NUP205: variants seen among roughly 807,000 people sequenced by gnomAD.
NUP205 encodes the protein nuclear pore complex protein Nup205.
Under a neutral mutation model 253.8 loss-of-function variants are expected in NUP205, and 76 were observed. The ratio of observed to expected loss-of-function variants is 0.30; its 90% CI spans 0.25 to 0.36. The LOEUF (loss-of-function observed/expected upper bound fraction) is 0.36. NUP205 is among the 10% of genes least tolerant of loss of function. The pLI is 1.00. For synonymous variants in NUP205, 832 were observed against 850.1 expected (o/e 0.98, Z 0.37); for missense variants, 2,162 against 2,425.5 (o/e 0.89, Z 2.28).
chr7:135,597,765 T>G (rs1793876721), intron 14 of NUP205: 1 of 492,928 alleles, frequency 2.0e-6, no homozygotes, highest in Non-Finnish European at 3.6e-6. Context: ...CATTAAAGAT[T>G]TCTGTTTTAA....
chr7:135,595,935 A>C (rs1793821596), intron 13 of NUP205, among the ~76,000 whole-genome samples: 1 of 151,222 alleles, frequency 6.6e-6, no homozygotes, highest in Admixed American at 6.6e-5. Context: ...AGAAGCAAAA[A>C]AAATTTTTTT....
intron 13 of NUP205, among the ~76,000 whole-genome samples, chr7:135,595,765 A>T (rs1390339038): frequency 1.3e-5 from 2 of 152,080 alleles, no homozygotes; most frequent in Non-Finnish European, 1.5e-5. Context: ...TCCATTAAAA[A>T]TTTTCTATCA....
intron 38 of NUP205, among the ~76,000 whole-genome samples, chr7:135,639,778 A>G (rs182516786): frequency 4.6e-5 from 7 of 152,314 alleles, no homozygotes; most frequent in South Asian, 2.1e-4. Context: ...TTGCAGCACT[A>G]TTTACAATAG....
At chr7:135,628,578 T>G (rs903830668) in intron 34 of NUP205, among the ~76,000 whole-genome samples, 1 of 152,244 alleles carries the variant, frequency 6.6e-6, no homozygotes, top group Non-Finnish European at 1.5e-5. Context: ...GATTTTGCTG[T>G]CAAAATTTTT....
chr7:135,591,416 C>T, intron 10 of NUP205, 34 bp from the exon 11 acceptor site: 1 of 1,598,588 alleles, frequency 6.3e-7, no homozygotes, highest in Non-Finnish European at 8.6e-7. Context: ...TTAAGATATA[C>T]ATTATATAAA....
intron 1 of NUP205, among the ~76,000 whole-genome samples, chr7:135,564,530 G>A (rs1208909450): frequency 4.0e-5 from 6 of 151,106 alleles, no homozygotes; most frequent in Admixed American, 6.6e-5. Flanking sequence ...TTACAGGCAT[G>A]AGTCACCACG....
intron 18 of NUP205, among the ~76,000 whole-genome samples, chr7:135,603,281 A>G (rs1794003647): frequency 2.6e-5 from 4 of 151,254 alleles, no homozygotes; most frequent in Admixed American, 2.6e-4. Context: ...ATGCTCAGCT[A>G]TTTTTGTGTT....
intron 7 of NUP205, among the ~76,000 whole-genome samples, chr7:135,581,723 C>T (rs570047543): frequency 3.6e-4 from 55 of 151,724 alleles, no homozygotes; most frequent in South Asian, 2.7e-3. Flanking sequence ...CATGGTGGCG[C>T]GTGCCTGTAA....
chr7:135,587,612 G>A lies in NUP205; in HGVS notation c.1256G>A (p.Arg419Gln), dbSNP rs200662632. ...AGGAATCGGGCAGATGAAGATGCTCGAATGATTCACATGAGTATGCAGATG... is the reference window on the plus strand; with the variant it reads ...AGGAATCGGGCAGATGAAGATGCTCAAATGATTCACATGAGTATGCAGATG... Reference protein sequence around the residue: ...QLRNRADEDARMIHMSMQMGN... With the variant: ...QLRNRADEDAQMIHMSMQMGN... The change falls in exon 9 of 43, where the codon CGA becomes CAA. Residue 419 changes from arginine to glutamine, a missense_variant. Transcript: ENST00000285968. 1.5e-5 allele frequency: 24 copies of A among 1,607,690 alleles called. No homozygotes were observed. The highest frequency in any genetic ancestry group is 1.5e-5 in the Non-Finnish European group (18 of 1,177,110).
chr7:135,616,707 C>T lies in NUP205; in HGVS notation c.3513C>T (p.His1171=). Residue 1171 remains histidine, a synonymous_variant, in exon 25 of 43, where the codon CAC becomes CAT. Transcript: ENST00000285968. ...DENRSVSGFL[H]FDTATKVRRK... ...ACAGGTCTGTTTCTGGGTTCCTTCA[C>T]TTTGACACTGCTACAAAAGGTAATG... 6.4e-7 allele frequency: 1 copy of T among 1,564,960 alleles called. No homozygotes were observed. Among genetic ancestry groups the T allele is most frequent in the Non-Finnish European group, 8.6e-7 (1 of 1,159,188 alleles).
chr7:135,584,773 A>G, intron 7 of NUP205, 59 bp from the exon 8 acceptor site: 1 of 1,446,470 alleles, frequency 6.9e-7, no homozygotes, highest in Non-Finnish European at 9.7e-7. Context: ...ATGAGATATA[A>G]TTACAATCTG....
At chr7:135,602,642 T>C (rs1290516741) in intron 17 of NUP205, among the ~76,000 whole-genome samples, 163 bp from the exon 18 acceptor site, 2 of 152,234 alleles carry the variant, frequency 1.3e-5, no homozygotes, top group Non-Finnish European at 2.9e-5. Context: ...TTTGAAACAA[T>C]GAGAGCATAA....
At chr7:135,583,165 C>T (rs1000772905) in intron 7 of NUP205, among the ~76,000 whole-genome samples, 15 of 152,080 alleles carry the variant, frequency 9.9e-5, no homozygotes, top group Admixed American at 3.3e-4. Flanking sequence ...ACTATCTTGG[C>T]TTTTATCTGT....
intron 13 of NUP205, 169 bp from the exon 14 acceptor site, chr7:135,597,199 C>A: frequency 2.1e-6 from 1 of 481,440 alleles, no homozygotes; most frequent in Non-Finnish European, 3.7e-6. Flanking sequence ...CTCAACCTGG[C>A]AGAACTGCTA....
chr7:135,596,956 CAAA>C (rs202161616), intron 13 of NUP205, among the ~76,000 whole-genome samples: 4 of 89,546 alleles, frequency 4.5e-5, no homozygotes, highest in Admixed American at 1.3e-4. Context: ...GACTCTGTCT[CAAA>C]AAAAAAAAAA....
At chr7:135,599,675 CTT>C in intron 15 of NUP205, among the ~76,000 whole-genome samples, 1 of 152,316 alleles carries the variant, frequency 6.6e-6, no homozygotes, top group Non-Finnish European at 1.5e-5. Context: ...GATGCTATCA[CTT>C]TTCACCCATG....
chr7:135,578,605 C>T lies in NUP205; in HGVS notation c.878-146C>T, dbSNP rs1806218422. Reference sequence around the variant, plus strand: ...ATGTGTACAATCAACAGTAGTGTACCTTTTGGGATGTAGAAATTAATGTTA... The same window carrying T: ...ATGTGTACAATCAACAGTAGTGTACTTTTTGGGATGTAGAAATTAATGTTA... On this transcript the variant is annotated intron_variant, in intron 6 of 42. Transcript: ENST00000285968. 3 of 551,046 alleles carry T rather than the reference C, an allele frequency of 5.4e-6. No homozygotes were observed. The Admixed American group carries it at 1.1e-4, about 20-fold the overall frequency. The allele number at this position is 551,046 out of a possible 1,614,324, so 34.1% of individuals were successfully genotyped here.
chr7:135,601,744 A>G (rs1261956295), intron 17 of NUP205, among the ~76,000 whole-genome samples: 3 of 152,210 alleles, frequency 2.0e-5, no homozygotes, highest in African/African-American at 7.2e-5. Context: ...TTTTGTAGGT[A>G]AAGTGATCTT....
At chr7:135,560,756 T>C (rs749141595) in intron 1 of NUP205, among the ~76,000 whole-genome samples, 1 of 152,180 alleles carries the variant, frequency 6.6e-6, no homozygotes, top group Non-Finnish European at 1.5e-5. Context: ...ATTCCACTTA[T>C]ATGAGGTATC....
Sources: gnomAD v4.1 joint callset for allele counts (sites outside exome capture counted in the v4.1 genomes callset) on GRCh38, gnomAD v4.1.1 for gene constraint, MANE v1.5 for transcripts, NCBI Gene and HGNC (gene_info 2026-07-23, HGNC 2026-07-21) for gene names.